Variants in APPBP2 observed in about 807,000 individuals in gnomAD.
APPBP2 encodes amyloid protein-binding protein 2.
In APPBP2, 15 loss-of-function variants were observed where a neutral mutation model predicts 76.0. The observed-to-expected ratio is 0.20, with a 90% CI of 0.13 to 0.30. The LOEUF (loss-of-function observed/expected upper bound fraction) is 0.30, where lower values mean the gene tolerates loss of function less well. Among genes scored for constraint, APPBP2 ranks in the 10% least tolerant of loss-of-function variants. The probability of loss-of-function intolerance (pLI) is 1.00; values close to 1 mark genes in which losing one functional copy is unlikely to be tolerated. For synonymous variants in APPBP2, 222 were observed against 242.2 expected, an observed-to-expected ratio of 0.92 and a Z score of 0.77; for missense variants, 401 against 687.2, an observed-to-expected ratio of 0.58 and a Z score of 4.66.
intron 12 of APPBP2, among the ~76,000 whole-genome samples, chr17:60,450,351 T>C (rs1054839220): frequency 1.3e-5 from 2 of 151,464 alleles, no homozygotes; most frequent in African/African-American, 4.9e-5. Context: ...GGCAGTAGAA[T>C]TGCTTGAACC....
intron 3 of APPBP2, among the ~76,000 whole-genome samples, chr17:60,493,632 CCTTTTTTTTTT>C (rs1316976291): frequency 7.2e-6 from 1 of 138,274 alleles, no homozygotes; most frequent in Admixed American, 6.7e-5. Flanking sequence ...CCATGCCCAG[CCTTTTTTTTTT>C]CTTTTTTTTT....
At chr17:60,508,417 T>C (rs73330213) in intron 1 of APPBP2, among the ~76,000 whole-genome samples, 12,478 of 152,138 alleles carry the variant, frequency 0.082, 1,694 homozygotes, top group African/African-American at 0.28. Flanking sequence ...AAATAACTTT[T>C]GGATAAATAG....
At chr17:60,490,801 C>CA (rs1445042382) in intron 3 of APPBP2, among the ~76,000 whole-genome samples, 1 of 152,150 alleles carries the variant, frequency 6.6e-6, no homozygotes, top group Non-Finnish European at 1.5e-5. Flanking sequence ...GGGGTTTCCC[C>CA]TTTCATTTGG....
chr17:60,493,519 AGAG>A (rs1047588521), intron 3 of APPBP2, among the ~76,000 whole-genome samples: 1 of 152,110 alleles, frequency 6.6e-6, no homozygotes, highest in African/African-American at 2.4e-5. Context: ...TTTGTTTTAG[AGAG>A]GAGGTTTTGC....
At chr17:60,462,537 C>T (rs1461931237) in intron 6 of APPBP2, 1 of 156,086 alleles carries the variant, frequency 6.4e-6, no homozygotes, top group African/African-American at 2.4e-5. Flanking sequence ...GTTGCCCAGG[C>T]TGGACTTGAA....
intron 8 of APPBP2, 32 bp downstream of exon 8, chr17:60,461,778 T>C (rs750488762): frequency 3.0e-5 from 46 of 1,508,706 alleles, no homozygotes; most frequent in Non-Finnish European, 3.6e-5. Flanking sequence ...TCAATACAGG[T>C]TGAAAGAAAA....
chr17:60,519,770 CAAATTT>C (rs1241784211), intron 1 of APPBP2, among the ~76,000 whole-genome samples: 2 of 147,500 alleles, frequency 1.4e-5, no homozygotes, highest in Non-Finnish European at 3.0e-5. Context: ...TTTTAGTAGC[CAAATTT>C]AATTTTTTTT....
intron 4 of APPBP2, among the ~76,000 whole-genome samples, chr17:60,474,849 C>T (rs1251711591): frequency 2.6e-5 from 4 of 152,076 alleles, no homozygotes; most frequent in African/African-American, 4.8e-5. Flanking sequence ...TCATTACCTA[C>T]CACTGTTTTT....
intron 1 of APPBP2, among the ~76,000 whole-genome samples, chr17:60,520,127 C>T (rs1759179915): frequency 6.6e-6 from 1 of 152,012 alleles, no homozygotes; most frequent in Non-Finnish European, 1.5e-5. Flanking sequence ...AATGTTAGTT[C>T]AGGCTGTATG....
At chr17:60,522,828 T>C (rs1221890228) in intron 1 of APPBP2, among the ~76,000 whole-genome samples, 1 of 151,734 alleles carries the variant, frequency 6.6e-6, no homozygotes, top group African/African-American at 2.4e-5. Flanking sequence ...TTTCTGCCAC[T>C]CAGCCAACAA....
At chr17:60,487,364 C>T (rs1486572665) in intron 3 of APPBP2, among the ~76,000 whole-genome samples, 2 of 150,952 alleles carry the variant, frequency 1.3e-5, no homozygotes, top group African/African-American at 2.5e-5. Flanking sequence ...TCACATAGTC[C>T]TGTATTTCTT....
intron 3 of APPBP2, among the ~76,000 whole-genome samples, chr17:60,487,013 A>G (rs1369948495): frequency 2.6e-5 from 4 of 152,180 alleles, no homozygotes; most frequent in Non-Finnish European, 4.4e-5. Context: ...AGAATGTTGA[A>G]TATTGGCCCC....
chr17:60,463,851 T>C (rs555106510), intron 6 of APPBP2, among the ~76,000 whole-genome samples, 170 bp downstream of exon 6: 2 of 152,366 alleles, frequency 1.3e-5, no homozygotes, highest in East Asian at 3.9e-4. Flanking sequence ...ATGTGTGATA[T>C]AGTTTTAGTT....
intron 9 of APPBP2, among the ~76,000 whole-genome samples, chr17:60,457,644 G>A (rs2090441190): frequency 6.6e-6 from 1 of 151,958 alleles, no homozygotes; most frequent in Admixed American, 6.6e-5. Flanking sequence ...TGTCCAGGCT[G>A]GTCTCAAACT....
chr17:60,486,215 G>A (rs935271128), intron 3 of APPBP2, among the ~76,000 whole-genome samples: 2 of 152,164 alleles, frequency 1.3e-5, no homozygotes, highest in Admixed American at 6.6e-5. Flanking sequence ...TATTAGGTCT[G>A]CTTGGTGCAG....
intron 10 of APPBP2, among the ~76,000 whole-genome samples, chr17:60,455,576 G>C (rs1001430678): frequency 2.6e-5 from 4 of 152,168 alleles, no homozygotes; most frequent in African/African-American, 4.8e-5. Flanking sequence ...GGGGTATTTT[G>C]CAAGAGCCTT....
At position 60,444,176 on chromosome 17, in the gene APPBP2, A is replaced by G. The variant is rs1304435091; in HGVS notation, c.*3405T>C. On this transcript the variant is annotated 3_prime_UTR_variant, in exon 13 of 13. Coordinates refer to ENST00000083182, the MANE Select transcript of APPBP2 (RefSeq NM_006380.5). ...TGGCAACTAAGTTCCTCCACAGCCA[A>G]GAGGTGAAGTACACATCCACTTCTA... 1 of 152,612 alleles carries G rather than the reference A, an allele frequency of 6.6e-6. No homozygotes were observed. Among genetic ancestry groups the G allele is most frequent in the African/African-American group, 2.4e-5 (1 of 41,398 alleles). 9.5% of individuals were successfully genotyped at this position (152,612 alleles called of 1,614,324 possible).
intron 4 of APPBP2, among the ~76,000 whole-genome samples, chr17:60,477,197 GAGA>G (rs1383447282): frequency 1.3e-5 from 2 of 152,316 alleles, no homozygotes; most frequent in East Asian, 1.9e-4. Context: ...CTAGGAAGGA[GAGA>G]AGGAGACTGA....
chr17:60,461,775 A>C, intron 8 of APPBP2, 35 bp downstream of exon 8: 7 of 1,481,252 alleles, frequency 4.7e-6, no homozygotes, highest in Non-Finnish European at 5.6e-6. Context: ...AAGTCAATAC[A>C]GGTTGAAAGA....
Sources: gnomAD v4.1 joint callset for allele counts (sites outside exome capture counted in the v4.1 genomes callset) on GRCh38, gnomAD v4.1.1 for gene constraint, MANE v1.5 for transcripts, NCBI Gene and HGNC (gene_info 2026-07-23, HGNC 2026-07-21) for gene names.